CDH5: variants seen among roughly 807,000 people sequenced by gnomAD.
CDH5 encodes the protein cadherin-5.
CDH5 carries 28 observed loss-of-function variants against 62.0 expected under a neutral mutation model. That is an observed-to-expected ratio of 0.45 (90% CI 0.33 to 0.62). CDH5 has a LOEUF of 0.62. Ranked by LOEUF, CDH5 falls within the 20% of genes least tolerant of loss-of-function variation. CDH5 has a pLI of 0.02. For missense variants in CDH5, 940 were observed against 1,065.1 expected, an observed-to-expected ratio of 0.88 and a Z score of 1.63; for synonymous variants, 464 against 445.8, an observed-to-expected ratio of 1.04 and a Z score of -0.52.
intron 2 of CDH5, among the ~76,000 whole-genome samples, chr16:66,382,452 T>C (rs1462841278): frequency 2.0e-5 from 3 of 152,018 alleles, no homozygotes; most frequent in Non-Finnish European, 2.9e-5. Flanking sequence ...TCAACACAAA[T>C]GCGAGCTCTG....
intron 1 of CDH5, among the ~76,000 whole-genome samples, chr16:66,374,789 TTTTA>T (rs996012849): frequency 7.2e-5 from 11 of 152,180 alleles, no homozygotes; most frequent in Admixed American, 1.3e-4. Flanking sequence ...CTTTGTTTAA[TTTTA>T]TTTATTTATT....
chr16:66,403,189 G>A lies in CDH5; in HGVS notation c.*20G>A, dbSNP rs1003284260. The A allele has an allele frequency of 5.7e-6, 9 of 1,589,262 alleles. No individual in the cohort carries two copies. Among genetic ancestry groups the A allele is most frequent in the Non-Finnish European group, 7.7e-6 (9 of 1,169,650 alleles). On this transcript the variant is annotated 3_prime_UTR_variant, in exon 12 of 12. Coordinates refer to ENST00000341529, the MANE Select transcript of CDH5 (RefSeq NM_001795.5). This position sits in a 1 kb window ranked among gnomAD's most constrained non-coding sequence, Gnocchi z 4.3. ...TATTAGGCGGCCGAGGTCACTCTGG[G>A]CCTGGGGACCCAAACCCCCTGCAGC...
In CDH5 at chr16:66,392,564, T is replaced by C; in HGVS notation, c.1217+181T>C. On this transcript the variant is annotated intron_variant, in intron 7 of 11. Coordinates refer to ENST00000341529, the MANE Select transcript of CDH5 (RefSeq NM_001795.5). Reference sequence around the variant, plus strand: ...CACTTGGCAGCCTGGCATCTTGACCTGCCTGGACTCCCCCACCTAGCATGG... The same window carrying C: ...CACTTGGCAGCCTGGCATCTTGACCCGCCTGGACTCCCCCACCTAGCATGG... 4.1e-6 allele frequency: 3 copies of C among 736,172 alleles called. No individual in the cohort carries two copies. In the South Asian group the frequency reaches 5.6e-5, roughly 14 times the overall value. The allele number at this position is 736,172 out of a possible 1,614,324, so 45.6% of individuals were successfully genotyped here. A position where few individuals can be genotyped will look rare whatever the true frequency, so the allele number is the denominator to read the frequency against.
rs1961229288 is a variant in CDH5, at chr16:66,398,548, C to T, written c.1578C>T (p.Leu526=). 6.6e-7 allele frequency: 1 copy of T among 1,524,786 alleles called. No individual in the cohort carries two copies. Among genetic ancestry groups the T allele is most frequent in the African/African-American group, 1.4e-5 (1 of 73,300 alleles). The allele number at this position is 1,524,786 out of a possible 1,614,324, so 94.5% of individuals were successfully genotyped here. Residue 526 remains leucine (L), a synonymous_variant, in exon 10 of 12, where the codon CTC becomes CTT. Transcript: ENST00000341529. ...FILNTENNFT[L]TDNHDNTANI... ...TGAATACTGAGAACAACTTTACCCTCACGGATAATCACGGTAGGCATCAAA... is the reference window on the plus strand; with the variant it reads ...TGAATACTGAGAACAACTTTACCCTTACGGATAATCACGGTAGGCATCAAA...
chr16:66,388,400 A>C lies in CDH5; in HGVS notation c.576A>C (p.Gln192His). The change falls in exon 4 of 12, where the codon CAA becomes CAC. Residue 192 changes from glutamine (Q) to histidine (H), a missense_variant. Coordinates refer to ENST00000341529, the MANE Select transcript of CDH5 (RefSeq NM_001795.5). ...GAGACCACGCCTCTGTCATGTACCA[A>C]ATCCTGAAGGGGAAAGAGTATTTTG... ...TVGDHASVMY[Q>H]ILKGKEYFAI... is the part of the protein sequence containing the mutation. The C allele has an allele frequency of 6.2e-7, 1 of 1,613,738 alleles. No homozygotes were observed. The highest frequency in any genetic ancestry group is 1.1e-5 in the South Asian group (1 of 91,072).
chr16:66,375,837 G>T (rs1960775925), intron 1 of CDH5, among the ~76,000 whole-genome samples: 1 of 151,664 alleles, frequency 6.6e-6, no homozygotes, highest in Non-Finnish European at 1.5e-5. Context: ...ACCGGCTACG[G>T]TGGCTCACGC....
Position 66,396,151 on chromosome 16 carries a change from T to G in CDH5, c.1310T>G (p.Val437Gly), listed in dbSNP as rs201889200. The change falls in exon 8 of 12, where the codon GTC (valine) becomes GGC (glycine). Residue 437 changes from valine to glycine, a missense_variant. Transcript: ENST00000341529. ...AATGAGAAAGAACTGGACAGAGAAG[T>G]CTACCCCTGGTATAACCTGACTGTG... ...IYNEKELDRE[V>G]YPWYNLTVEA... is the part of the protein sequence containing the mutation. 6.2e-7 allele frequency: 1 copy of G among 1,614,178 alleles called. No individual in the cohort carries two copies. Among genetic ancestry groups the G allele is most frequent in the Non-Finnish European group, 8.5e-7 (1 of 1,180,022 alleles).
chr16:66,387,041 G>A lies in CDH5; in HGVS notation c.443G>A (p.Trp148Ter), dbSNP rs780310589. The change falls in exon 3 of 12, where the codon TGG (tryptophan) becomes TAG (stop). Residue 148 changes from tryptophan (W) to a stop codon, truncating the protein, a stop_gained. Coordinates refer to ENST00000341529, the MANE Select transcript of CDH5 (RefSeq NM_001795.5). LOFTEE classifies it high-confidence loss of function. ...AAAGTTCATGACGTGAACGACAACT[G>A]GCCTGTGTTCACGCATCGGTTGTTC... is the stretch of plus-strand genomic sequence containing the variant. The part of the protein sequence containing the change: ...TIKVHDVNDN[W>*]PVFTHRLFNA... The A allele has an allele frequency of 6.2e-7, 1 of 1,614,090 alleles. No homozygotes were observed. The highest frequency in any genetic ancestry group is 8.5e-7 in the Non-Finnish European group (1 of 1,180,018).
chr16:66,381,737 T>G (rs1882656187), intron 2 of CDH5, among the ~76,000 whole-genome samples: 1 of 152,116 alleles, frequency 6.6e-6, no homozygotes, highest in Admixed American at 6.5e-5. Context: ...AACTACCCCC[T>G]GCGGGCCCAA....
intron 7 of CDH5, chr16:66,392,849 ACT>A (rs1961113013): frequency 6.1e-6 from 1 of 162,798 alleles, no homozygotes; most frequent in Admixed American, 5.8e-5. Flanking sequence ...CTCTCAGATA[ACT>A]CATGTTCGTG....
Position 66,390,535 on chromosome 16 carries a change from C to T in CDH5, c.914C>T (p.Ala305Val), listed in dbSNP as rs773071222. 4 of 1,614,066 alleles carry T rather than the reference C, an allele frequency of 2.5e-6. No individual in the cohort carries two copies. The highest frequency in any genetic ancestry group is 3.4e-6 in the Non-Finnish European group (4 of 1,180,044). ...YSILRGDYQD[A>V]FTIETNPAHN... ...ATCTTGCGGGGCGACTACCAGGACG[C>T]TTTCACCATTGAGACAAACCCCGCC... The change falls in exon 6 of 12, where the codon GCT (alanine) becomes GTT (valine). Residue 305 changes from alanine (A) to valine (V), a missense_variant. Transcript: ENST00000341529.
intron 9 of CDH5, 114 bp downstream of exon 9, chr16:66,398,220 T>A: frequency 8.0e-7 from 1 of 1,257,806 alleles, no homozygotes; most frequent in Non-Finnish European, 1.2e-6. Flanking sequence ...TTGAGGAAAA[T>A]AACATTATGC....
At chr16:66,384,871 C>A (rs1960956915) in intron 2 of CDH5, among the ~76,000 whole-genome samples, 1 of 152,140 alleles carries the variant, frequency 6.6e-6, no homozygotes, top group African/African-American at 2.4e-5. Flanking sequence ...GAGGCTGAGG[C>A]AGAATAATCG....
chr16:66,384,994 C>T (rs1341454455), intron 2 of CDH5, among the ~76,000 whole-genome samples: 2 of 152,084 alleles, frequency 1.3e-5, no homozygotes, highest in South Asian at 2.1e-4. Flanking sequence ...AGCAATGTTG[C>T]ACTTCCTCAG....
intron 7 of CDH5, among the ~76,000 whole-genome samples, chr16:66,393,645 G>A (rs138613039): frequency 1.3e-4 from 20 of 152,180 alleles, no homozygotes; most frequent in Non-Finnish European, 2.4e-4. Flanking sequence ...CATGAGATTC[G>A]GTGGGGACAC....
At chr16:66,381,193 CT>C (rs1374240776) in intron 2 of CDH5, among the ~76,000 whole-genome samples, 1 of 152,226 alleles carries the variant, frequency 6.6e-6, no homozygotes, top group Non-Finnish European at 1.5e-5. Context: ...AACCCCTTCT[CT>C]CAGGCTATCC....
intron 2 of CDH5, among the ~76,000 whole-genome samples, chr16:66,379,882 GAT>G (rs1960858995): frequency 2.6e-5 from 4 of 151,092 alleles, no homozygotes; most frequent in Non-Finnish European, 5.9e-5. Context: ...TGGTGGCTGT[GAT>G]GGTGGTGATC....
rs1961105674 is a variant in CDH5, at chr16:66,392,449, G to T, written c.1217+66G>T. On this transcript the variant is annotated intron_variant, in intron 7 of 11. Transcript: ENST00000341529. The stretch of plus-strand genomic sequence containing the variant: ...GGCCTGGATGTTCCTATGCCTGCTG[G>T]TCTGAGGCCAGGACTCAGAGAGGGG... 4.4e-6 allele frequency: 7 copies of T among 1,591,270 alleles called. No individual in the cohort carries two copies. The Admixed American group carries it at 1.2e-4, about 27-fold the overall frequency.
At chr16:66,384,932 C>G (rs1960958402) in intron 2 of CDH5, among the ~76,000 whole-genome samples, 1 of 152,114 alleles carries the variant, frequency 6.6e-6, no homozygotes, top group Non-Finnish European at 1.5e-5. Flanking sequence ...TGCCACTGCA[C>G]TCCAGCCTGG....
Sources: allele counts gnomAD v4.1 joint callset (sites outside exome capture counted in the v4.1 genomes callset), GRCh38; gene constraint gnomAD v4.1.1; non-coding constraint Gnocchi (gnomAD v3.1); transcripts MANE v1.5; gene names NCBI Gene and HGNC (gene_info 2026-07-23, HGNC 2026-07-21).